DPY19L2: variants seen among roughly 807,000 people sequenced by gnomAD.
DPY19L2 encodes the protein dpy-19 like 2.
In DPY19L2, 34 loss-of-function variants were observed where a neutral mutation model predicts 97.9. The observed-to-expected ratio is 0.35, with a 90% confidence interval of 0.26 to 0.46. DPY19L2 has a LOEUF of 0.46. Among genes scored for constraint, DPY19L2 ranks in the 20% least tolerant of loss-of-function variants. The pLI is 1.00. For missense variants in DPY19L2, 623 were observed against 911.4 expected (o/e 0.68, Z 4.07); for synonymous variants, 230 against 307.9 (o/e 0.75, Z 2.65).
intron 2 of DPY19L2, among the ~76,000 whole-genome samples, chr12:63,665,567 A>T (rs969233654): frequency 2.6e-5 from 4 of 152,210 alleles, no homozygotes; most frequent in Non-Finnish European, 5.9e-5. Context: ...TACACTAGAA[A>T]AGCTAGATAT....
At chr12:63,660,750 A>G (rs1324084045) in intron 4 of DPY19L2, 3 of 152,268 alleles carry the variant, frequency 2.0e-5, no homozygotes, top group South Asian at 4.1e-4. Flanking sequence ...CTGGATTCTG[A>G]GACAATTTTA....
chr12:63,638,418 G>A (rs1892122016), intron 6 of DPY19L2, among the ~76,000 whole-genome samples: 1 of 152,142 alleles, frequency 6.6e-6, no homozygotes, highest in South Asian at 2.1e-4. Flanking sequence ...AAGTCAAATT[G>A]TCCCTGTTTG....
chr12:63,628,615 G>A (rs1890019344), intron 6 of DPY19L2, among the ~76,000 whole-genome samples: 2 of 152,086 alleles, frequency 1.3e-5, no homozygotes, highest in Non-Finnish European at 2.9e-5. Context: ...AGGCCTCCCT[G>A]CCTCTGTAGA....
chr12:63,637,021 C>T (rs1190499153), intron 6 of DPY19L2, among the ~76,000 whole-genome samples: 2 of 152,130 alleles, frequency 1.3e-5, no homozygotes, highest in African/African-American at 2.4e-5. Context: ...TCAAAATTGA[C>T]CACATAGTTG....
At chr12:63,601,533 T>C (rs1160193860) in intron 12 of DPY19L2, among the ~76,000 whole-genome samples, 1 of 152,070 alleles carries the variant, frequency 6.6e-6, no homozygotes, top group African/African-American at 2.4e-5. Context: ...AACGAATCTA[T>C]AGAGTTATAC....
intron 21 of DPY19L2, among the ~76,000 whole-genome samples, chr12:63,563,427 A>G (rs1025965064): frequency 1.3e-5 from 2 of 152,156 alleles, no homozygotes; most frequent in African/African-American, 2.4e-5. Context: ...GTTACCTTCT[A>G]CTCCTAGTTT....
rs1887044284 is a variant in DPY19L2 at position 63,611,773 on chromosome 12, C to A, written c.1219-3098G>T. Among the ~76,000 whole-genome samples, 4 of 152,120 alleles carry A rather than the reference C, an allele frequency of 2.6e-5. No individual in the cohort carries two copies. The South Asian group carries it at 8.3e-4, about 32-fold the overall frequency. ...CAAAAATAAACATAGGCTCCATGAA[C>A]CACTGAACAATTTCAAGCAGCCCCA... On this transcript the variant is annotated intron_variant, in intron 11 of 21. Transcript: ENST00000324472.
chr12:63,583,970 A>C, intron 16 of DPY19L2, 134 bp from the exon 17 acceptor site: 1 of 629,942 alleles, frequency 1.6e-6, no homozygotes, highest in Non-Finnish European at 2.7e-6. Context: ...AAATACATAA[A>C]AATAAAAATA....
intron 16 of DPY19L2, among the ~76,000 whole-genome samples, chr12:63,590,187 C>T (rs796815904): frequency 6.6e-5 from 10 of 152,044 alleles, no homozygotes; most frequent in African/African-American, 2.2e-4. Flanking sequence ...CAAAAAGAAA[C>T]ATAGTAAACA....
chr12:63,633,619 C>A (rs1011898566), intron 6 of DPY19L2, among the ~76,000 whole-genome samples: 1 of 152,116 alleles, frequency 6.6e-6, no homozygotes, highest in African/African-American at 2.4e-5. Context: ...GTTGGTGGGA[C>A]TGTAAACTAG....
chr12:63,657,221 T>G (rs1427149148), intron 4 of DPY19L2, among the ~76,000 whole-genome samples: 1 of 152,182 alleles, frequency 6.6e-6, no homozygotes, highest in Non-Finnish European at 1.5e-5. Context: ...GGGCTGGATT[T>G]GAAGTTTGTA....
intron 21 of DPY19L2, among the ~76,000 whole-genome samples, chr12:63,567,328 C>CT (rs1424587892): frequency 6.6e-6 from 1 of 151,918 alleles, no homozygotes; most frequent in African/African-American, 2.4e-5. Context: ...CCATTATGCT[C>CT]TTTTTTTCCC....
intron 6 of DPY19L2, among the ~76,000 whole-genome samples, chr12:63,637,692 G>T (rs1592684632): frequency 2.6e-5 from 4 of 152,050 alleles, no homozygotes; most frequent in South Asian, 4.2e-4. Context: ...CCAATAACAG[G>T]CTCTGAAATT....
At chr12:63,576,287 A>C (rs368991532) in intron 19 of DPY19L2, among the ~76,000 whole-genome samples, 9 of 152,124 alleles carry the variant, frequency 5.9e-5, no homozygotes, top group African/African-American at 1.9e-4. Flanking sequence ...TATAGAAGGA[A>C]CATTAATCAA....
chr12:63,609,562 G>A (rs1472711086), intron 11 of DPY19L2, among the ~76,000 whole-genome samples: 2 of 151,998 alleles, frequency 1.3e-5, no homozygotes, highest in African/African-American at 4.8e-5. Context: ...ACCACAAAAA[G>A]GGCTTTCACC....
intron 19 of DPY19L2, among the ~76,000 whole-genome samples, chr12:63,578,670 G>A (rs1248392182): frequency 6.6e-6 from 1 of 152,062 alleles, no homozygotes; most frequent in Non-Finnish European, 1.5e-5. Context: ...GTGCAACTTT[G>A]AATGAAAATT....
chr12:63,623,025 C>A (rs1888944753), intron 8 of DPY19L2, among the ~76,000 whole-genome samples: 1 of 152,058 alleles, frequency 6.6e-6, no homozygotes, highest in Non-Finnish European at 1.5e-5. Context: ...AAGGCAGAAT[C>A]TCCCAGGGAC....
chr12:63,664,666 C>T (rs1292513576), intron 2 of DPY19L2, among the ~76,000 whole-genome samples: 1 of 152,076 alleles, frequency 6.6e-6, no homozygotes, highest in African/African-American at 2.4e-5. Context: ...CAACAGCTGT[C>T]GGCAGTGAAG....
At chr12:63,646,061 T>C (rs1487515755) in intron 5 of DPY19L2, among the ~76,000 whole-genome samples, 1 of 152,160 alleles carries the variant, frequency 6.6e-6, no homozygotes, top group African/African-American at 2.4e-5. Flanking sequence ...GAATATATTA[T>C]TCCCTATTCT....
Sources: allele counts gnomAD v4.1 joint callset (sites outside exome capture counted in the v4.1 genomes callset), GRCh38; gene constraint gnomAD v4.1.1; transcripts MANE v1.5; gene names NCBI Gene and HGNC (gene_info 2026-07-23, HGNC 2026-07-21).